Variants in ASIC2 observed in about 807,000 individuals in gnomAD.
ASIC2 encodes acid-sensing ion channel 2.
ASIC2 carries 25 observed loss-of-function variants against 57.3 expected under a neutral mutation model. The observed-to-expected ratio is 0.44, with a 90% CI of 0.32 to 0.61. The LOEUF (loss-of-function observed/expected upper bound fraction) is 0.61, where lower values mean the gene tolerates loss of function less well. Among genes scored for constraint, ASIC2 ranks in the 20% least tolerant of loss-of-function variants. ASIC2 has a pLI of 0.06. For synonymous variants in ASIC2, 319 were observed against 307.5 expected (o/e 1.04, Z -0.39); for missense variants, 641 against 738.1 (o/e 0.87, Z 1.52).
intron 3 of ASIC2, among the ~76,000 whole-genome samples, chr17:33,058,482 A>AAAC (rs2092007104): frequency 6.6e-6 from 1 of 151,662 alleles, no homozygotes; most frequent in Admixed American, 6.6e-5. Flanking sequence ...AAAAAAAAAA[A>AAAC]AAAAAAAAAC....
At chr17:33,209,955 G>A (rs549752683) in intron 1 of ASIC2, among the ~76,000 whole-genome samples, 2 of 152,230 alleles carry the variant, frequency 1.3e-5, no homozygotes, top group South Asian at 4.1e-4. Context: ...CTCCTGACTT[G>A]GTCTGTTTTG....
intron 1 of ASIC2, among the ~76,000 whole-genome samples, chr17:33,417,301 C>T (rs1022441352): frequency 4.6e-5 from 7 of 152,256 alleles, no homozygotes; most frequent in East Asian, 1.9e-4. Flanking sequence ...TGCCAGAACA[C>T]GTCTGTCTAT....
chr17:33,648,570 T>C (rs1906820956), intron 1 of ASIC2, among the ~76,000 whole-genome samples: 1 of 152,232 alleles, frequency 6.6e-6, no homozygotes, highest in Non-Finnish European at 1.5e-5. Flanking sequence ...CAGGGTCATC[T>C]AGAAACCACA....
At chr17:33,844,629 C>G (rs79246706) in intron 1 of ASIC2, among the ~76,000 whole-genome samples, 1 of 152,156 alleles carries the variant, frequency 6.6e-6, no homozygotes. Flanking sequence ...AACCGGTCTT[C>G]AAAACTTTAT....
At chr17:34,099,295 GAAA>G (rs1910712692) in intron 1 of ASIC2, among the ~76,000 whole-genome samples, 2 of 138,514 alleles carry the variant, frequency 1.4e-5, no homozygotes, top group African/African-American at 2.8e-5. Flanking sequence ...AAGGAAGGAA[GAAA>G]GAAAGAGAAA....
intron 1 of ASIC2, among the ~76,000 whole-genome samples, chr17:33,191,623 G>A (rs924008709): frequency 2.6e-5 from 4 of 151,964 alleles, no homozygotes; most frequent in Non-Finnish European, 4.4e-5. Flanking sequence ...GAATGAGGAG[G>A]AGGAGGAGGA....
intron 1 of ASIC2, among the ~76,000 whole-genome samples, chr17:33,736,442 C>T (rs896127755): frequency 6.6e-6 from 1 of 152,168 alleles, no homozygotes; most frequent in African/African-American, 2.4e-5. Context: ...GCCACTGTAT[C>T]TGCTGCTGAA....
intron 3 of ASIC2, among the ~76,000 whole-genome samples, chr17:33,070,530 G>T (rs2092064534): frequency 1.3e-5 from 2 of 151,944 alleles, no homozygotes; most frequent in Non-Finnish European, 2.9e-5. Context: ...TAGAGACAGG[G>T]TTTCACCATG....
chr17:33,276,312 T>C (rs943033927), intron 1 of ASIC2, among the ~76,000 whole-genome samples: 4 of 152,334 alleles, frequency 2.6e-5, no homozygotes, highest in African/African-American at 4.8e-5. Flanking sequence ...AATGACTTAA[T>C]TGAATGAATA....
chr17:33,119,563 TA>T (rs1333805625), intron 1 of ASIC2, among the ~76,000 whole-genome samples: 2 of 152,222 alleles, frequency 1.3e-5, no homozygotes, highest in East Asian at 3.8e-4. Context: ...CAGAGGGATT[TA>T]TTAGCAAGGA....
intron 3 of ASIC2, among the ~76,000 whole-genome samples, chr17:33,039,344 G>A (rs553800998): frequency 6.6e-6 from 1 of 152,244 alleles, no homozygotes; most frequent in East Asian, 1.9e-4. Flanking sequence ...GCCTGGCCTG[G>A]CCTCCTCCCT....
chr17:33,864,093 GA>G (rs57395903), intron 1 of ASIC2, among the ~76,000 whole-genome samples: 41,222 of 151,830 alleles, frequency 0.27, 5,755 homozygotes, highest in Non-Finnish European at 0.29. Flanking sequence ...AGTAGAGACT[GA>G]GTTTTTCCAT....
Position 34,082,443 on chromosome 17 carries a change from GA to G in ASIC2, c.555+73534del, listed in dbSNP as rs375746248. Among the ~76,000 whole-genome samples the G allele has an allele frequency of 6.7e-3, 1,021 of 152,130 alleles. 17 individuals are homozygous for G. The highest frequency in any genetic ancestry group is 0.023 in the African/African-American group (955 of 41,500). On this transcript the variant is annotated intron_variant, in intron 1 of 9. Coordinates refer to the ASIC2 transcript ENST00000359872. Reference sequence around the variant, plus strand: ...TTTAGTAAAATAAAAGTTACAAAGGGAAAAAAATCTCATACAAAAGCATTGT... The same window carrying G: ...TTTAGTAAAATAAAAGTTACAAAGGGAAAAAATCTCATACAAAAGCATTGT...
At chr17:33,427,980 C>A (rs947405337) in intron 1 of ASIC2, among the ~76,000 whole-genome samples, 4 of 152,138 alleles carry the variant, frequency 2.6e-5, no homozygotes, top group African/African-American at 9.7e-5. Flanking sequence ...GCTCAATCAA[C>A]CTTGTGGAGG....
At chr17:33,874,682 C>A (rs141550757) in intron 1 of ASIC2, among the ~76,000 whole-genome samples, 3 of 152,218 alleles carry the variant, frequency 2.0e-5, no homozygotes, top group African/African-American at 7.2e-5. Flanking sequence ...TTTCTATCAC[C>A]GTCCTACTGG....
intron 1 of ASIC2, among the ~76,000 whole-genome samples, chr17:33,482,164 G>A (rs1488538026): frequency 6.6e-6 from 1 of 152,186 alleles, no homozygotes; most frequent in African/African-American, 2.4e-5. Flanking sequence ...CCTCTGCCAT[G>A]ACTGTCTTGT....
At chr17:34,017,136 A>C (rs1407900781) in intron 1 of ASIC2, among the ~76,000 whole-genome samples, 1 of 152,222 alleles carries the variant, frequency 6.6e-6, no homozygotes, top group Non-Finnish European at 1.5e-5. Flanking sequence ...GTCAAATAGC[A>C]TGTGCTCACT....
chr17:33,541,373 C>A (rs1398674702), intron 1 of ASIC2: 1 of 152,180 alleles, frequency 6.6e-6, no homozygotes, highest in East Asian at 1.9e-4. Flanking sequence ...CACAATGTCC[C>A]CCCCGAACAG....
chr17:33,869,149 G>C (rs765390470), intron 1 of ASIC2, among the ~76,000 whole-genome samples: 19 of 152,140 alleles, frequency 1.2e-4, no homozygotes, highest in Non-Finnish European at 2.1e-4. Flanking sequence ...ATAAGCACAC[G>C]AAGTGACGCT....
Sources: gnomAD v4.1 joint callset for allele counts (sites outside exome capture counted in the v4.1 genomes callset) on GRCh38, gnomAD v4.1.1 for gene constraint, MANE v1.5 for transcripts, NCBI Gene and HGNC (gene_info 2026-07-23, HGNC 2026-07-21) for gene names.